FARSB: variants seen among roughly 807,000 people sequenced by gnomAD.
FARSB encodes the protein phenylalanyl-tRNA synthetase subunit beta.
In FARSB, 40 loss-of-function variants were observed where a neutral mutation model predicts 69.6. The observed-to-expected ratio is 0.57, with a 90% CI of 0.45 to 0.75. The LOEUF (loss-of-function observed/expected upper bound fraction) is 0.75. Among genes scored for constraint, FARSB ranks in the 30% least tolerant of loss-of-function variants. The pLI is 0.00. For synonymous variants in FARSB, 235 were observed against 247.2 expected, an observed-to-expected ratio of 0.95 and a Z score of 0.46; for missense variants, 632 against 722.9, an observed-to-expected ratio of 0.87 and a Z score of 1.44.
intron 2 of FARSB, among the ~76,000 whole-genome samples, chr2:222,646,080 T>A (rs1691847234): frequency 6.6e-6 from 1 of 152,162 alleles, no homozygotes; most frequent in East Asian, 1.9e-4. Context: ...AAAATGCCAA[T>A]CTTACTAGGT....
intron 16 of FARSB, among the ~76,000 whole-genome samples, chr2:222,579,174 A>C (rs1689909060): frequency 6.6e-6 from 1 of 152,182 alleles, no homozygotes; most frequent in Non-Finnish European, 1.5e-5. Context: ...CTGGAGAGTA[A>C]GCAAAAGGTG....
chr2:222,590,075 T>C (rs1256563592), intron 16 of FARSB, among the ~76,000 whole-genome samples: 2 of 152,168 alleles, frequency 1.3e-5, no homozygotes, highest in Non-Finnish European at 2.9e-5. Flanking sequence ...CGTATGTTTA[T>C]TGCGGCACTA....
At chr2:222,630,813 A>T (rs78395635) in intron 8 of FARSB, among the ~76,000 whole-genome samples, 5,497 of 152,240 alleles carry the variant, frequency 0.036, 317 homozygotes, top group African/African-American at 0.12. Flanking sequence ...TAAATTTTTT[A>T]AAAAATTAAT....
chr2:222,603,314 A>G (rs1235118641), intron 15 of FARSB, among the ~76,000 whole-genome samples: 2 of 152,242 alleles, frequency 1.3e-5, no homozygotes, highest in Non-Finnish European at 2.9e-5. Context: ...TACTAGCAAT[A>G]GTTGACATAA....
chr2:222,653,957 G>A (rs1559220898), intron 1 of FARSB, among the ~76,000 whole-genome samples: 1 of 151,294 alleles, frequency 6.6e-6, no homozygotes, highest in African/African-American at 2.4e-5. Flanking sequence ...ACATATTTGT[G>A]AAAAAATCAA....
chr2:222,646,328 A>AC (rs1691855672), intron 2 of FARSB, among the ~76,000 whole-genome samples: 1 of 148,962 alleles, frequency 6.7e-6, no homozygotes, highest in South Asian at 2.1e-4. Context: ...GAGCAGATAA[A>AC]ATCTTCTTGG....
At chr2:222,628,736 G>A (rs1691339144) in intron 10 of FARSB, 101 bp downstream of exon 10, 2 of 752,926 alleles carry the variant, frequency 2.7e-6, no homozygotes, top group East Asian at 2.5e-5. Context: ...GCACACGGGT[G>A]GGTAGGTAGG....
At chr2:222,603,184 A>C (rs986870248) in intron 15 of FARSB, among the ~76,000 whole-genome samples, 2 of 152,174 alleles carry the variant, frequency 1.3e-5, no homozygotes, top group Non-Finnish European at 2.9e-5. Context: ...TTGCTTTCCA[A>C]ATTAAAAAGA....
chr2:222,643,834 A>G (rs1209635942), intron 2 of FARSB, among the ~76,000 whole-genome samples: 1 of 152,222 alleles, frequency 6.6e-6, no homozygotes, highest in Non-Finnish European at 1.5e-5. Flanking sequence ...AGAGTTTAGA[A>G]TATCTCAAGC....
chr2:222,613,955 T>G, intron 14 of FARSB, 27 bp from the exon 15 acceptor site: 1 of 1,399,734 alleles, frequency 7.1e-7, no homozygotes, highest in Non-Finnish European at 1.0e-6. Context: ...GAAATTGCAC[T>G]GACCAAATAG....
Position 222,630,144 on chromosome 2 carries a change from T to C in FARSB, c.817A>G (p.Met273Val). The C allele has an allele frequency of 1.3e-6, 2 of 1,559,954 alleles. No individual in the cohort carries two copies. Among genetic ancestry groups the C allele is most frequent in the Non-Finnish European group, 1.7e-6 (2 of 1,154,380 alleles). Residue 273 changes from methionine (M) to valine (V), a missense_variant, in exon 9 of 17, where the codon ATG (methionine) becomes GTG (valine). Met to Val is a conservative substitution (Grantham distance 21). Coordinates refer to ENST00000281828, the MANE Select transcript of FARSB (RefSeq NM_005687.5). ...TGATTCTCACAATATTCACTGAACA[T>C]GGTGACAATAATATCAAGAACTATT... is the stretch of plus-strand genomic sequence containing the variant. ...AKIVLDIIVT[M>V]FSEYCENQFT...
At chr2:222,572,302 G>A (rs976718769) in intron 16 of FARSB, among the ~76,000 whole-genome samples, 4 of 152,156 alleles carry the variant, frequency 2.6e-5, no homozygotes, top group East Asian at 1.9e-4. Flanking sequence ...GGAGGCTGCT[G>A]AAGGTCCACA....
At chr2:222,647,875 T>G (rs1438643313) in intron 2 of FARSB, among the ~76,000 whole-genome samples, 1 of 152,206 alleles carries the variant, frequency 6.6e-6, no homozygotes, top group Non-Finnish European at 1.5e-5. Context: ...GCCAACATGG[T>G]AAAACCTCGT....
At chr2:222,592,393 T>C (rs1690297879) in intron 16 of FARSB, among the ~76,000 whole-genome samples, 1 of 152,124 alleles carries the variant, frequency 6.6e-6, no homozygotes, top group African/African-American at 2.4e-5. Flanking sequence ...GTTCTAGGAA[T>C]TCCCAGGACA....
chr2:222,635,558 G>A (rs1417320891), intron 5 of FARSB, among the ~76,000 whole-genome samples: 1 of 152,190 alleles, frequency 6.6e-6, no homozygotes, highest in Non-Finnish European at 1.5e-5. Context: ...TTTGATAAAT[G>A]CAGGTAAATT....
chr2:222,590,500 A>C (rs1690240023), intron 16 of FARSB, among the ~76,000 whole-genome samples: 1 of 150,500 alleles, frequency 6.6e-6, no homozygotes, highest in African/African-American at 2.5e-5. Context: ...TGTACCCTAG[A>C]ACTTAACAGT....
rs1466775106 is a variant in FARSB at position 222,569,558 on chromosome 2, G to A, written c.*2313C>T. ...ATTCTTTTTCTCCCAGCTTTACAAA[G>A]GTATAACCTACACCTGAAGTACACC... On this transcript the variant is annotated 3_prime_UTR_variant, in exon 17 of 17. Transcript: ENST00000281828. 1 of 152,002 alleles carries A rather than the reference G, an allele frequency of 6.6e-6. No homozygotes were observed. Among genetic ancestry groups the A allele is most frequent in the South Asian group, 2.1e-4 (1 of 4,824 alleles). 9.4% of individuals were successfully genotyped at this position (152,002 alleles called of 1,614,324 possible).
chr2:222,640,842 T>A lies in FARSB; in HGVS notation c.339+20A>T, dbSNP rs2106236684. 2.9e-6 allele frequency: 4 copies of A among 1,368,024 alleles called. No homozygotes were observed. In the South Asian group the frequency reaches 3.8e-5, roughly 13 times the overall value. 84.7% of individuals were successfully genotyped at this position (1,368,024 alleles called of 1,614,324 possible). A position where few individuals can be genotyped will look rare whatever the true frequency, so the allele number is the denominator to read the frequency against. ...CAAAAGAAAATTTTTAAAAGAAAAA[T>A]AAGAATTTGTCCTTATTACCTCTTC... On this transcript the variant is annotated intron_variant, in intron 4 of 16. Coordinates refer to ENST00000281828, the MANE Select transcript of FARSB (RefSeq NM_005687.5).
intron 1 of FARSB, among the ~76,000 whole-genome samples, chr2:222,654,011 C>T (rs1559220923): frequency 6.6e-6 from 1 of 152,038 alleles, no homozygotes; most frequent in African/African-American, 2.4e-5. Context: ...GGGAAGCAGA[C>T]AGAATATGTT....
Sources: gnomAD v4.1 joint callset for allele counts (sites outside exome capture counted in the v4.1 genomes callset) on GRCh38, gnomAD v4.1.1 for gene constraint, MANE v1.5 for transcripts, NCBI Gene and HGNC (gene_info 2026-07-23, HGNC 2026-07-21) for gene names.